Variants in HHIPL2 observed in about 807,000 individuals in gnomAD.
The protein encoded by HHIPL2 is HHIP like 2.
In HHIPL2, 61 loss-of-function variants were observed where a neutral mutation model predicts 61.0. The ratio of observed to expected loss-of-function variants is 1.00; its 90% CI spans 0.81 to 1.24. HHIPL2 has a LOEUF of 1.24. HHIPL2 is among the 50% of genes most tolerant of loss of function. The pLI is 0.00. For missense variants in HHIPL2, 885 were observed against 910.2 expected (o/e 0.97, Z 0.36); for synonymous variants, 343 against 357.4 (o/e 0.96, Z 0.45).
Position 222,530,734 on chromosome 1 carries a change from A to T in HHIPL2, c.1723+1232T>A, listed in dbSNP as rs574087678. 2.4e-3 allele frequency among the ~76,000 whole-genome samples: 336 copies of T among 142,434 alleles called. 2 individuals carry two copies. Among genetic ancestry groups the T allele is most frequent in the African/African-American group, 7.3e-3 (271 of 37,292 alleles). 93.4% of individuals were successfully genotyped at this position (142,434 alleles called of 152,430 possible). On this transcript the variant is annotated intron_variant, in intron 6 of 8. Transcript: ENST00000343410. ...ATACCTATAGAGAATCTTTTTTTTT[A>T]AATTTTTTCTTTTCTTGTGTATTTT...
At chr1:222,527,105 C>T (rs1412540348) in intron 6 of HHIPL2, 55 bp from the exon 7 acceptor site, 1 of 1,364,474 alleles carries the variant, frequency 7.3e-7, no homozygotes, top group Non-Finnish European at 1.0e-6. Context: ...CACTGAGACA[C>T]AGAGTTGGAT....
At chr1:222,542,493 C>T (rs185975387) in intron 2 of HHIPL2, among the ~76,000 whole-genome samples, 88 of 149,192 alleles carry the variant, frequency 5.9e-4, no homozygotes, top group Non-Finnish European at 7.5e-4. Context: ...TGAGAGCCTC[C>T]CGAGTAGCTG....
intron 5 of HHIPL2, among the ~76,000 whole-genome samples, chr1:222,536,611 G>A (rs1384540107): frequency 2.6e-5 from 4 of 152,148 alleles, no homozygotes; most frequent in Non-Finnish European, 5.9e-5. Flanking sequence ...AATTGAACAG[G>A]AGTACTTATT....
Position 222,522,353 on chromosome 1 carries a change from A to C in HHIPL2, c.*248T>G. The stretch of plus-strand genomic sequence containing the variant: ...AGTGTGATTCCAAGCAGGCTCATGG[A>C]CTAGTGCTTACCATAACCCAGGTGC... On this transcript the variant is annotated 3_prime_UTR_variant, in exon 9 of 9. Coordinates refer to ENST00000343410, the MANE Select transcript of HHIPL2 (RefSeq NM_024746.4). 1 of 544,704 alleles carries C rather than the reference A, an allele frequency of 1.8e-6. No individual in the cohort carries two copies. The highest frequency in any genetic ancestry group is 2.6e-5 in the South Asian group (1 of 37,802). The allele number at this position is 544,704 out of a possible 1,614,324, so 33.7% of individuals were successfully genotyped here. A position where few individuals can be genotyped will look rare whatever the true frequency, so the allele number is the denominator to read the frequency against.
rs1413321650 is a variant in HHIPL2 at position 222,522,896 on chromosome 1, T to C, written c.1889-9A>G. 30 of 1,609,714 alleles carry C rather than the reference T, an allele frequency of 1.9e-5. No homozygotes were observed. Among genetic ancestry groups the C allele is most frequent in the Non-Finnish European group, 2.5e-5 (30 of 1,177,966 alleles). On this transcript the variant is annotated splice_polypyrimidine_tract_variant and intron_variant, in intron 8 of 8. Transcript: ENST00000343410. ...CAAGTCCAAGACTGTCTCTGAGAAA[T>C]CAGTATTTATTTAGTGAAAAATATA...
rs1422397192 is a variant in HHIPL2, at chr1:222,522,563, T to G, written c.*38A>C. 1.3e-6 allele frequency: 2 copies of G among 1,594,066 alleles called. No homozygotes were observed. Among genetic ancestry groups the G allele is most frequent in the Non-Finnish European group, 1.7e-6 (2 of 1,171,932 alleles). Reference sequence around the variant, plus strand: ...CTTTCATTTGATGAGGTGGCTCTCCTCTCTCACGTCACCCTGTCGGCCACC... The same window carrying G: ...CTTTCATTTGATGAGGTGGCTCTCCGCTCTCACGTCACCCTGTCGGCCACC... On this transcript the variant is annotated 3_prime_UTR_variant, in exon 9 of 9. Transcript: ENST00000343410.
In HHIPL2 at chr1:222,538,674, C is replaced by T. The variant is rs1659357647; in HGVS notation, c.1551G>A (p.Leu517=). 6.2e-7 allele frequency: 1 copy of T among 1,613,776 alleles called. No individual in the cohort carries two copies. Among genetic ancestry groups the T allele is most frequent in the African/African-American group, 1.3e-5 (1 of 74,926 alleles). The part of the protein sequence containing the change: ...RGCESPNLNG[L]YIFGDFMSGR... ...CACTCATGAAGTCTCCAAAGATATACAGGCCATTGAGATTTGGGGATTCAC... is the reference window on the plus strand; with the variant it reads ...CACTCATGAAGTCTCCAAAGATATATAGGCCATTGAGATTTGGGGATTCAC... The change falls in exon 5 of 9, where the codon CTG becomes CTA. Residue 517 remains leucine, a synonymous_variant. Coordinates refer to ENST00000343410, the MANE Select transcript of HHIPL2 (RefSeq NM_024746.4).
At chr1:222,534,593 A>T (rs4846380) in intron 5 of HHIPL2, among the ~76,000 whole-genome samples, 3 of 148,342 alleles carry the variant, frequency 2.0e-5, no homozygotes, top group Admixed American at 6.8e-5. Flanking sequence ...AAAAAAAAAA[A>T]AAAAATTACA....
At chr1:222,543,206 CATA>C (rs1659472987) in intron 2 of HHIPL2, among the ~76,000 whole-genome samples, 1 of 152,210 alleles carries the variant, frequency 6.6e-6, no homozygotes. Flanking sequence ...TCTAATGGCA[CATA>C]ATAATCAGAG....
At chr1:222,545,631 G>A (rs1489768908) in intron 1 of HHIPL2, among the ~76,000 whole-genome samples, 1 of 152,076 alleles carries the variant, frequency 6.6e-6, no homozygotes, top group South Asian at 2.1e-4. Context: ...CCATCACTAT[G>A]GCACACTCTC....
At position 222,522,705 on chromosome 1, in the gene HHIPL2, C is replaced by G. The variant is rs748838615; in HGVS notation, c.2071G>C (p.Gly691Arg). Residue 691 changes from glycine (G) to arginine (R), a missense_variant, in exon 9 of 9, where the codon GGG becomes CGG. Physicochemically the swap from Gly to Arg is moderately radical, Grantham distance 125. Transcript: ENST00000343410. ...GPGTKKKARV[G>R]PHVRQGKRRK... is the part of the protein sequence containing the mutation. ...CTCTTGCCCTGGCGGACGTGGGGCC[C>G]CACTCTGGCTTTCTTCTTTGTACCA... is the stretch of plus-strand genomic sequence containing the variant. The G allele has an allele frequency of 6.2e-7, 1 of 1,614,148 alleles. No individual in the cohort carries two copies. The highest frequency in any genetic ancestry group is 8.5e-7 in the Non-Finnish European group (1 of 1,180,020).
intron 5 of HHIPL2, among the ~76,000 whole-genome samples, chr1:222,533,364 CAA>C (rs11432197): frequency 1.6e-5 from 2 of 127,888 alleles, no homozygotes; most frequent in African/African-American, 2.8e-5. Context: ...GACTCTGTCT[CAA>C]AAAAAAAAAA....
At chr1:222,533,268 G>A (rs1278831153) in intron 5 of HHIPL2, among the ~76,000 whole-genome samples, 1 of 151,900 alleles carries the variant, frequency 6.6e-6, no homozygotes, top group Non-Finnish European at 1.5e-5. Context: ...GGGAGGCTGA[G>A]GCATGAGAAT....
intron 7 of HHIPL2, among the ~76,000 whole-genome samples, chr1:222,526,313 C>A (rs899254708): frequency 1.3e-5 from 2 of 152,034 alleles, no homozygotes; most frequent in Non-Finnish European, 2.9e-5. Context: ...AGATCTGCAC[C>A]AAGCCCAGGG....
In HHIPL2 at chr1:222,538,659, G is replaced by A. The variant is rs1558130341; in HGVS notation, c.1566C>T (p.Asp522=). The part of the protein sequence containing the change: ...PNLNGLYIFG[D]FMSGRLMALQ... ...CAGTCCTTCCTTACCCACTCATGAA[G>A]TCTCCAAAGATATACAGGCCATTGA... Residue 522 remains aspartate (D), a synonymous_variant, in exon 5 of 9, where the codon GAC becomes GAT. Transcript: ENST00000343410. 1.2e-6 allele frequency: 2 copies of A among 1,613,680 alleles called. No individual in the cohort carries two copies. Among genetic ancestry groups the A allele is most frequent in the Non-Finnish European group, 1.7e-6 (2 of 1,179,634 alleles).
intron 7 of HHIPL2, 38 bp from the exon 8 acceptor site, chr1:222,523,732 C>T (rs762805615): frequency 6.3e-7 from 1 of 1,599,402 alleles, no homozygotes; most frequent in South Asian, 1.1e-5. Flanking sequence ...ACGCAAGACT[C>T]TGAAGATGCA....
chr1:222,540,329 C>T lies in HHIPL2; in HGVS notation c.1131G>A (p.Leu377=), dbSNP rs1489439670. The T allele has an allele frequency of 6.2e-7, 1 of 1,603,788 alleles. No homozygotes were observed. The highest frequency in any genetic ancestry group is 1.3e-5 in the African/African-American group (1 of 74,522). ...FGNAQNKSSL[L]GKVLRIDVNR... is the part of the protein sequence containing the mutation. The stretch of plus-strand genomic sequence containing the variant: ...TCACATCGATCCTTAAAACTTTTCC[C>T]AGCAGGGAACTTCTGAAAGAAAGAA... Residue 377 remains leucine (L), a synonymous_variant, in exon 4 of 9, where the codon CTG becomes CTA. Coordinates refer to ENST00000343410, the MANE Select transcript of HHIPL2 (RefSeq NM_024746.4).
chr1:222,533,733 T>C (rs1474815714), intron 5 of HHIPL2, among the ~76,000 whole-genome samples: 1 of 152,164 alleles, frequency 6.6e-6, no homozygotes, highest in African/African-American at 2.4e-5. Context: ...AGGTGAACCC[T>C]ATGATTTTTC....
intron 7 of HHIPL2, among the ~76,000 whole-genome samples, chr1:222,525,813 A>T: frequency 6.6e-6 from 1 of 152,092 alleles, no homozygotes; most frequent in Admixed American, 6.6e-5. Flanking sequence ...AGCCTGGGCA[A>T]CATGGCAAAA....
Sources: gnomAD v4.1 joint callset for allele counts (sites outside exome capture counted in the v4.1 genomes callset) on GRCh38, gnomAD v4.1.1 for gene constraint, MANE v1.5 for transcripts, NCBI Gene and HGNC (gene_info 2026-07-23, HGNC 2026-07-21) for gene names.